Variants in FOSB observed in about 807,000 individuals in gnomAD.
FOSB encodes FosB proto-oncogene, AP-1 transcription factor subunit, also known as protein FosB.
In FOSB, 8 loss-of-function variants were observed where a neutral mutation model predicts 31.1. The observed-to-expected ratio is 0.26, with a 90% CI of 0.15 to 0.46. The LOEUF (loss-of-function observed/expected upper bound fraction) is 0.46, where lower values mean the gene tolerates loss of function less well. Ranked by LOEUF, FOSB falls within the 20% of genes least tolerant of loss-of-function variation. The pLI is 0.99. For synonymous variants in FOSB, 214 were observed against 206.1 expected (o/e 1.04, Z -0.33); for missense variants, 376 against 460.6 (o/e 0.82, Z 1.68).
At position 45,468,811 on chromosome 19, in the gene FOSB, A is replaced by C; in HGVS notation, c.126+99A>C. 1 of 1,261,888 alleles carries C rather than the reference A, an allele frequency of 7.9e-7. No individual in the cohort carries two copies. 78.2% of individuals were successfully genotyped at this position (1,261,888 alleles called of 1,614,324 possible). On this transcript the variant is annotated intron_variant, in intron 1 of 3. Transcript: ENST00000353609. The surrounding 1 kb of genome is among the most constrained non-coding windows in gnomAD (Gnocchi z 4.8). The stretch of plus-strand genomic sequence containing the variant: ...AACCCCCACAAAAAGGCGCATCAGA[A>C]CCCTAGATCTGAGATGGAAAAGGCT...
Position 45,474,752 on chromosome 19 carries a change from T to G in FOSB, c.*1740T>G, listed in dbSNP as rs1967794578. The G allele has an allele frequency of 2.0e-5, 3 of 152,114 alleles. No individual in the cohort carries two copies. The South Asian group carries it at 6.2e-4, about 32-fold the overall frequency. 9.4% of individuals were successfully genotyped at this position (152,114 alleles called of 1,614,324 possible). On this transcript the variant is annotated 3_prime_UTR_variant, in exon 4 of 4. Coordinates refer to ENST00000353609, the MANE Select transcript of FOSB (RefSeq NM_006732.3). The stretch of plus-strand genomic sequence containing the variant: ...AGCCTGTCTCGGGCTGACCCTTTTC[T>G]GATCGTCTCGGCCCCTCTGATTGTT...
intron 3 of FOSB, 91 bp downstream of exon 3, chr19:45,471,392 G>T (rs755609193): frequency 5.9e-5 from 57 of 970,660 alleles, no homozygotes; most frequent in Non-Finnish European, 7.8e-5. Flanking sequence ...CTTATCCTGG[G>T]TTGAGAACTA....
chr19:45,472,535 G>C lies in FOSB; in HGVS notation c.556-16G>C. On this transcript the variant is annotated splice_polypyrimidine_tract_variant and intron_variant, in intron 3 of 3. Transcript: ENST00000353609. This position sits in a 1 kb window ranked among gnomAD's most constrained non-coding sequence, Gnocchi z 5.4. ...CTTCCTCTCTCTCTTCTGTGACCTG[G>C]CCTCCCTGGCCTCAGGAGACAGATC... The C allele has an allele frequency of 6.7e-7, 1 of 1,496,938 alleles. No individual in the cohort carries two copies. Among genetic ancestry groups the C allele is most frequent in the South Asian group, 1.4e-5 (1 of 72,386 alleles). The allele number at this position is 1,496,938 out of a possible 1,614,324, so 92.7% of individuals were successfully genotyped here.
rs1967513467 is a variant in FOSB at position 45,468,893 on chromosome 19, C to G, written c.126+181C>G. Among the ~76,000 whole-genome samples the G allele has an allele frequency of 2.0e-5, 3 of 151,678 alleles. No homozygotes were observed. The highest frequency in any genetic ancestry group is 2.0e-4 in the Admixed American group (3 of 15,244). Reference sequence around the variant, plus strand: ...GGAGATGTTTGCAATTGGTTGCGTGCGTGGAGCGCAAGGAGGGAACGCGGC... The same window carrying G: ...GGAGATGTTTGCAATTGGTTGCGTGGGTGGAGCGCAAGGAGGGAACGCGGC... On this transcript the variant is annotated intron_variant, in intron 1 of 3. Coordinates refer to ENST00000353609, the MANE Select transcript of FOSB (RefSeq NM_006732.3). This position sits in a 1 kb window ranked among gnomAD's most constrained non-coding sequence, Gnocchi z 4.8.
In FOSB at chr19:45,472,601, C is replaced by T. The variant is rs1278106930; in HGVS notation, c.606C>T (p.Ala202=). The change falls in exon 4 of 4, where the codon GCC becomes GCT. Residue 202 remains alanine (A), a synonymous_variant. Coordinates refer to ENST00000353609, the MANE Select transcript of FOSB (RefSeq NM_006732.3). The surrounding 1 kb of genome is among the most constrained non-coding windows in gnomAD (Gnocchi z 5.4). ...EEKAELESEI[A]ELQKEKERLE... The stretch of plus-strand genomic sequence containing the variant: ...AAGCAGAGCTGGAGTCGGAGATCGC[C>T]GAGCTCCAAAAGGAGAAGGAACGTC... The T allele has an allele frequency of 4.6e-6, 7 of 1,535,112 alleles. No homozygotes were observed. The East Asian group carries it at 1.6e-4, about 35-fold the overall frequency.
chr19:45,470,514 C>CTCGG, intron 1 of FOSB, 115 bp from the exon 2 acceptor site: 1 of 1,057,388 alleles, frequency 9.5e-7, no homozygotes, highest in Non-Finnish European at 1.4e-6. Flanking sequence ...CACATCCACA[C>CTCGG]TCGCTCACCC....
chr19:45,470,921 C>A lies in FOSB; in HGVS notation c.419C>A (p.Ala140Asp). ...SGPGPARPARARPRRPREETL... is the reference protein window; with the variant it reads ...SGPGPARPARDRPRRPREETL... Reference sequence around the variant, plus strand: ...CCTGGGCCTGCCCGCCCAGCCCGAGCCCGGCCTAGGAGACCCCGAGAGGAG... The same window carrying A: ...CCTGGGCCTGCCCGCCCAGCCCGAGACCGGCCTAGGAGACCCCGAGAGGAG... Residue 140 changes from alanine to aspartate, a missense_variant, in exon 2 of 4, where the codon GCC becomes GAC. Ala to Asp is a moderately radical substitution (Grantham distance 126). Coordinates refer to ENST00000353609, the MANE Select transcript of FOSB (RefSeq NM_006732.3). The A allele has an allele frequency of 6.2e-7, 1 of 1,612,890 alleles. No homozygotes were observed.
rs1296722990 is a variant in FOSB, at chr19:45,468,785, C to A, written c.126+73C>A. The A allele has an allele frequency of 7.0e-7, 1 of 1,438,420 alleles. No individual in the cohort carries two copies. The highest frequency in any genetic ancestry group is 1.4e-5 in the South Asian group (1 of 70,688). 89.1% of individuals were successfully genotyped at this position (1,438,420 alleles called of 1,614,324 possible). A position where few individuals can be genotyped will look rare whatever the true frequency, so the allele number is the denominator to read the frequency against. ...AGTCAAGGGTGAAAAGAATAAACCC[C>A]AACCCCCACAAAAAGGCGCATCAGA... On this transcript the variant is annotated intron_variant, in intron 1 of 3. Transcript: ENST00000353609. This position sits in a 1 kb window ranked among gnomAD's most constrained non-coding sequence, Gnocchi z 4.8.
At chr19:45,470,206 T>C in intron 1 of FOSB, 1 of 207,586 alleles carries the variant, frequency 4.8e-6, no homozygotes, top group East Asian at 1.2e-4. Flanking sequence ...AGGCTTGGCC[T>C]AAGGCCTCTC....
intron 1 of FOSB, 73 bp from the exon 2 acceptor site, chr19:45,470,554 ATG>A (rs1967611564): frequency 7.1e-7 from 1 of 1,409,298 alleles, no homozygotes; most frequent in East Asian, 2.3e-5. Flanking sequence ...GGTGTGTGTT[ATG>A]TGTGTTGGGT....
chr19:45,471,219 G>T lies in FOSB; in HGVS notation c.473G>T (p.Arg158Leu). The T allele has an allele frequency of 6.4e-7, 1 of 1,566,668 alleles. No homozygotes were observed. The highest frequency in any genetic ancestry group is 8.7e-7 in the Non-Finnish European group (1 of 1,155,312). ...CTCACCCCAGAGGAAGAGGAGAAGC[G>T]AAGGGTGCGCCGGGAACGAAATAAA... ...ETLTPEEEEK[R>L]RVRRERNKLA... is the part of the protein sequence containing the mutation. The change falls in exon 3 of 4, where the codon CGA (arginine) becomes CTA (leucine). Residue 158 changes from arginine (R) to leucine (L), a missense_variant. Arg to Leu is a moderately radical substitution (Grantham distance 102). This residue lies in a region of FOSB where 35 missense variants were observed against 83.5 expected (regional missense o/e 0.42). Coordinates refer to ENST00000353609, the MANE Select transcript of FOSB (RefSeq NM_006732.3).
In FOSB at chr19:45,470,647, G is replaced by A; in HGVS notation, c.145G>A (p.Glu49Lys). The change falls in exon 2 of 4, where the codon GAA becomes AAA. Residue 49 changes from glutamate (E) to lysine (K), a missense_variant. Coordinates refer to ENST00000353609, the MANE Select transcript of FOSB (RefSeq NM_006732.3). The part of the protein sequence containing the change: ...AASQECAGLG[E>K]MPGSFVPTVT... ...CCCGTAGGAGTGCGCCGGTCTCGGGGAAATGCCCGGTTCCTTCGTGCCCAC... is the reference window on the plus strand; with the variant it reads ...CCCGTAGGAGTGCGCCGGTCTCGGGAAAATGCCCGGTTCCTTCGTGCCCAC... 4 of 1,609,694 alleles carry A rather than the reference G, an allele frequency of 2.5e-6. No homozygotes were observed. The highest frequency in any genetic ancestry group is 3.4e-6 in the Non-Finnish European group (4 of 1,178,156).
Position 45,472,690 on chromosome 19 carries a change from C to CG in FOSB, c.698dup (p.Leu235AlafsTer14), listed in dbSNP as rs1967721526. 1 of 1,608,252 alleles carries CG rather than the reference C, an allele frequency of 6.2e-7. No homozygotes were observed. The stretch of plus-strand genomic sequence containing the variant: ...ATCCCCTACGAAGAGGGGCCCGGGC[C>CG]GGGCCCGCTGGCGGAGGTGAGAGAT... On this transcript the variant is annotated frameshift_variant, in exon 4 of 4. Transcript: ENST00000353609. LOFTEE classifies it high-confidence loss of function. The surrounding 1 kb of genome is among the most constrained non-coding windows in gnomAD (Gnocchi z 5.4).
chr19:45,468,964 C>T lies in FOSB; in HGVS notation c.126+252C>T, dbSNP rs1054647039. 3.3e-5 allele frequency among the ~76,000 whole-genome samples: 5 copies of T among 152,136 alleles called. No individual in the cohort carries two copies. Among genetic ancestry groups the T allele is most frequent in the Admixed American group, 2.6e-4 (4 of 15,282 alleles). On this transcript the variant is annotated intron_variant, in intron 1 of 3. Transcript: ENST00000353609. The surrounding 1 kb of genome is among the most constrained non-coding windows in gnomAD (Gnocchi z 4.8). ...CGAGGTGGGGGTGGGGTGGGTAATG[C>T]GCTGCTCAATGCAACGTGTATGCGG...
intron 1 of FOSB, among the ~76,000 whole-genome samples, chr19:45,469,533 AG>A (rs958973009): frequency 4.6e-5 from 7 of 151,938 alleles, no homozygotes; most frequent in Non-Finnish European, 1.0e-4. Context: ...AGGCAGAGGG[AG>A]GGGATCCCTG....
chr19:45,471,428 C>A, intron 3 of FOSB, 127 bp downstream of exon 3: 1 of 694,988 alleles, frequency 1.4e-6, no homozygotes, highest in South Asian at 1.8e-5. Context: ...GAACTAGGTA[C>A]TGCTGTGGCC....
chr19:45,471,568 C>T (rs1007571030), intron 3 of FOSB: 3 of 342,738 alleles, frequency 8.8e-6, no homozygotes, highest in Non-Finnish European at 1.1e-5. Context: ...CACATGGGGC[C>T]CTTGAGGAGA....
chr19:45,470,800 C>G lies in FOSB; in HGVS notation c.298C>G (p.Pro100Ala), dbSNP rs1403825407. ...QPPVVDPYDM[P>A]GTSYSTPGMS... ...CCCGGTCGTCGACCCCTACGACATG[C>G]CGGGAACCAGCTACTCCACACCAGG... is the stretch of plus-strand genomic sequence containing the variant. The change falls in exon 2 of 4, where the codon CCG becomes GCG. Residue 100 changes from proline (P) to alanine (A), a missense_variant. Around this residue, in one of 3 missense-constraint regions of FOSB, gnomAD observed 193 missense variants for 207.1 expected, o/e 0.93. Transcript: ENST00000353609. 6.2e-7 allele frequency: 1 copy of G among 1,614,010 alleles called. No individual in the cohort carries two copies.
At chr19:45,469,001 A>T (rs1967520275) in intron 1 of FOSB, among the ~76,000 whole-genome samples, 2 of 152,208 alleles carry the variant, frequency 1.3e-5, no homozygotes, top group Admixed American at 1.3e-4. Flanking sequence ...AGCGGGGCTG[A>T]GAACTTTGAG....
Sources: allele counts gnomAD v4.1 joint callset (sites outside exome capture counted in the v4.1 genomes callset), GRCh38; gene constraint gnomAD v4.1.1; regional missense constraint gnomAD v4.1.1; non-coding constraint Gnocchi (gnomAD v3.1); transcripts MANE v1.5; gene names NCBI Gene and HGNC (gene_info 2026-07-23, HGNC 2026-07-21).